The following ZNF423 variants were observed in gnomAD, a reference collection of about 807,000 sequenced individuals.
The protein encoded by ZNF423 is Ebf-associated zinc finger protein.
ZNF423 carries 12 observed loss-of-function variants against 95.8 expected under a neutral mutation model. That is an observed-to-expected ratio of 0.13 (90% CI 0.08 to 0.20). The LOEUF (loss-of-function observed/expected upper bound fraction) is 0.20. Among genes scored for constraint, ZNF423 ranks in the 10% least tolerant of loss-of-function variants. ZNF423 has a pLI of 1.00. For synonymous variants in ZNF423, 749 were observed against 711.9 expected, an observed-to-expected ratio of 1.05 and a Z score of -0.83; for missense variants, 1,316 against 1,737.1, an observed-to-expected ratio of 0.76 and a Z score of 4.31.
At chr16:49,543,481 C>T (rs959096231) in intron 5 of ZNF423, among the ~76,000 whole-genome samples, 3 of 152,338 alleles carry the variant, frequency 2.0e-5, no homozygotes, top group East Asian at 1.9e-4. Flanking sequence ...CTGCTGCCCC[C>T]GGAGTCCTCT....
At position 49,757,019 on chromosome 16, in the gene ZNF423, A is replaced by G. The variant is rs576084969; in HGVS notation, c.101-26048T>C. On this transcript the variant is annotated intron_variant, in intron 2 of 7. Coordinates refer to ENST00000563137, the MANE Select transcript of ZNF423 (RefSeq NM_001379286.1). ...TGAGAAGTCCCATTTTGTGTCACCA[A>G]CACACAATAGACAACTGGCCCTGTG... 7.9e-5 allele frequency among the ~76,000 whole-genome samples: 12 copies of G among 152,334 alleles called. No individual in the cohort carries two copies. In the South Asian group the frequency reaches 2.5e-3, roughly 32 times the overall value.
rs552932073 is a variant in ZNF423, at chr16:49,547,427, C to T, written c.3602-21933G>A. ...AGAAGAGCCATAAGGCTCAGCAGAG[C>T]ACTCTAAGAATCTCAAGGGAGGAGT... On this transcript the variant is annotated intron_variant, in intron 5 of 7. Coordinates refer to ENST00000563137, the MANE Select transcript of ZNF423 (RefSeq NM_001379286.1). Among the ~76,000 whole-genome samples, 4 of 152,326 alleles carry T rather than the reference C, an allele frequency of 2.6e-5. No individual in the cohort carries two copies. In the South Asian group the frequency reaches 8.3e-4, roughly 32 times the overall value.
intron 1 of ZNF423, chr16:49,822,857 C>T (rs2144030532): frequency 5.9e-6 from 4 of 679,438 alleles, no homozygotes; most frequent in African/African-American, 1.9e-5. Context: ...GACTACTTAA[C>T]GACTTGCCCA....
chr16:49,497,938 T>G (rs923474779), intron 7 of ZNF423, among the ~76,000 whole-genome samples: 1 of 152,204 alleles, frequency 6.6e-6, no homozygotes, highest in Non-Finnish European at 1.5e-5. Context: ...TTAAGGACTA[T>G]AGAGAGAGGA....
chr16:49,802,252 C>T (rs1401985758), intron 1 of ZNF423, among the ~76,000 whole-genome samples: 1 of 152,160 alleles, frequency 6.6e-6, no homozygotes, highest in Non-Finnish European at 1.5e-5. Context: ...GACTCTCACT[C>T]TCTCTCACTC....
intron 5 of ZNF423, among the ~76,000 whole-genome samples, chr16:49,559,784 C>G (rs763517033): frequency 4.0e-4 from 61 of 152,264 alleles, no homozygotes; most frequent in African/African-American, 1.4e-3. Flanking sequence ...TATTTCATAG[C>G]AGGGTCCCAT....
At chr16:49,654,417 T>TG (rs1277242184) in intron 3 of ZNF423, among the ~76,000 whole-genome samples, 1 of 152,210 alleles carries the variant, frequency 6.6e-6, no homozygotes, top group South Asian at 2.1e-4. Context: ...CAATACGTCC[T>TG]GGGGGGCGTA....
At chr16:49,518,627 C>T (rs892579435) in intron 7 of ZNF423, 19 of 408,770 alleles carry the variant, frequency 4.6e-5, no homozygotes, top group African/African-American at 3.2e-4. Flanking sequence ...CCTGCAACTC[C>T]GACCTTCAGC....
rs774098433 is a variant in ZNF423 at position 49,638,663 on chromosome 16, C to T, written c.513G>A (p.Lys171=). The T allele has an allele frequency of 5.0e-6, 8 of 1,614,076 alleles. No homozygotes were observed. Among genetic ancestry groups the T allele is most frequent in the Non-Finnish European group, 5.9e-6 (7 of 1,180,032 alleles). The change falls in exon 4 of 8, where the codon AAG becomes AAA. Residue 171 remains lysine (K), a synonymous_variant. Transcript: ENST00000563137. The surrounding 1 kb of genome is among the most constrained non-coding windows in gnomAD (Gnocchi z 5.6). ...TGCAGTAGGTGCACTTGAACGGCAG[C>T]TTGTCGCTGTGGATCTGCTCGTGCC... ...LKRHEQIHSD[K]LPFKCTYCSR... is the part of the protein sequence containing the mutation.
chr16:49,724,624 C>T (rs572746346), intron 3 of ZNF423, among the ~76,000 whole-genome samples: 8 of 152,326 alleles, frequency 5.3e-5, no homozygotes, highest in East Asian at 3.9e-4. Flanking sequence ...GCCAGCCGGC[C>T]GACAGCACAC....
intron 5 of ZNF423, among the ~76,000 whole-genome samples, chr16:49,585,203 A>T (rs1450029814): frequency 2.0e-5 from 3 of 152,170 alleles, no homozygotes; most frequent in Non-Finnish European, 4.4e-5. Context: ...GACCTGATGG[A>T]TTGGAAGACC....
At chr16:49,702,640 T>G (rs1397308582) in intron 3 of ZNF423, among the ~76,000 whole-genome samples, 1 of 152,158 alleles carries the variant, frequency 6.6e-6, no homozygotes, top group Non-Finnish European at 1.5e-5. Flanking sequence ...GCACGCTTGG[T>G]CTTGACAGCA....
At chr16:49,788,687 C>T (rs1034597999) in intron 2 of ZNF423, among the ~76,000 whole-genome samples, 2 of 152,202 alleles carry the variant, frequency 1.3e-5, no homozygotes, top group Non-Finnish European at 2.9e-5. Flanking sequence ...TGGTCAGGAT[C>T]CCAGGGCAGG....
At chr16:49,836,551 C>T (rs2035122537) in intron 1 of ZNF423, among the ~76,000 whole-genome samples, 1 of 152,136 alleles carries the variant, frequency 6.6e-6, no homozygotes, top group South Asian at 2.1e-4. Context: ...AGGCATGGGG[C>T]AGCCTCACTG....
At chr16:49,798,978 A>G (rs1008827658) in intron 1 of ZNF423, among the ~76,000 whole-genome samples, 1 of 152,144 alleles carries the variant, frequency 6.6e-6, no homozygotes, top group Admixed American at 6.5e-5. Context: ...AGGAAAAGTG[A>G]CCCTTGCAGA....
At chr16:49,557,228 G>T (rs772206014) in intron 5 of ZNF423, among the ~76,000 whole-genome samples, 1 of 152,330 alleles carries the variant, frequency 6.6e-6, no homozygotes, top group East Asian at 1.9e-4. Flanking sequence ...TTCCTAGGGC[G>T]CGAGCAGCTC....
intron 5 of ZNF423, among the ~76,000 whole-genome samples, chr16:49,579,009 T>C (rs1479472886): frequency 6.6e-6 from 1 of 152,218 alleles, no homozygotes; most frequent in Non-Finnish European, 1.5e-5. Flanking sequence ...GGGAGGTTCA[T>C]GCTCCACCTT....
intron 5 of ZNF423, among the ~76,000 whole-genome samples, chr16:49,609,600 A>C (rs567536126): frequency 6.6e-5 from 10 of 152,304 alleles, no homozygotes; most frequent in African/African-American, 2.4e-4. Flanking sequence ...CTTAAAACCC[A>C]ATGAATAGGC....
chr16:49,683,529 G>A lies in ZNF423; in HGVS notation c.302-44655C>T, dbSNP rs571728157. Among the ~76,000 whole-genome samples the A allele has an allele frequency of 2.0e-5, 3 of 152,236 alleles. No individual in the cohort carries two copies. The East Asian group carries it at 5.8e-4, about 29-fold the overall frequency. ...CTCAGAGCCGCTTAGTGGTAACCCA[G>A]GGCTAGAATTCAGTTCTCCTGACTC... On this transcript the variant is annotated intron_variant, in intron 3 of 7. Transcript: ENST00000563137.
Sources: allele counts gnomAD v4.1 joint callset (sites outside exome capture counted in the v4.1 genomes callset), GRCh38; gene constraint gnomAD v4.1.1; non-coding constraint Gnocchi (gnomAD v3.1); transcripts MANE v1.5; gene names NCBI Gene and HGNC (gene_info 2026-07-23, HGNC 2026-07-21).